The following SORL1 variants were observed in gnomAD, a reference collection of about 807,000 sequenced individuals.
SORL1 encodes sortilin related receptor 1, also known as sortilin-related receptor.
In SORL1, 127 loss-of-function variants were observed where a neutral mutation model predicts 273.7. The observed-to-expected ratio is 0.46, with a 90% CI of 0.40 to 0.54. The LOEUF (loss-of-function observed/expected upper bound fraction) is 0.54. Among genes scored for constraint, SORL1 ranks in the 20% least tolerant of loss-of-function variants. SORL1 has a pLI of 0.00. For missense variants in SORL1, 2,494 were observed against 2,846.1 expected (o/e 0.88, Z 2.81); for synonymous variants, 1,031 against 1,067.4 (o/e 0.97, Z 0.66).
chr11:121,537,711 GT>G (rs1033528456), intron 12 of SORL1, among the ~76,000 whole-genome samples: 8 of 152,122 alleles, frequency 5.3e-5, no homozygotes, highest in African/African-American at 1.9e-4. Flanking sequence ...ATATCAAAAG[GT>G]GCTTCCATTT....
At chr11:121,454,640 C>G (rs1341007113) in intron 1 of SORL1, among the ~76,000 whole-genome samples, 1 of 152,158 alleles carries the variant, frequency 6.6e-6, no homozygotes, top group Non-Finnish European at 1.5e-5. Flanking sequence ...ATTGTTGCCT[C>G]TTGCTCTGAG....
At chr11:121,461,122 C>CCT (rs1284704373) in intron 1 of SORL1, among the ~76,000 whole-genome samples, 1 of 151,846 alleles carries the variant, frequency 6.6e-6, no homozygotes, top group African/African-American at 2.4e-5. Context: ...AGACTCTGTA[C>CCT]CTATGACTTA....
At chr11:121,604,388 C>T (rs1863437496) in intron 33 of SORL1, 64 bp downstream of exon 33, 3 of 1,585,494 alleles carry the variant, frequency 1.9e-6, no homozygotes, top group Admixed American at 3.4e-5. Flanking sequence ...TACCCCAGGG[C>T]CCCTCCTGTG....
intron 24 of SORL1, among the ~76,000 whole-genome samples, chr11:121,576,440 A>T (rs1355557889): frequency 1.3e-5 from 2 of 152,228 alleles, no homozygotes; most frequent in Non-Finnish European, 2.9e-5. Context: ...CTCTGCCCCC[A>T]TGACTTAATT....
At chr11:121,472,068 C>T (rs1713741883) in intron 2 of SORL1, among the ~76,000 whole-genome samples, 1 of 152,182 alleles carries the variant, frequency 6.6e-6, no homozygotes, top group Non-Finnish European at 1.5e-5. Flanking sequence ...TCCCTTGAGC[C>T]AAGGAGTTCA....
At chr11:121,571,153 G>A (rs980102298) in intron 23 of SORL1, among the ~76,000 whole-genome samples, 2 of 152,248 alleles carry the variant, frequency 1.3e-5, no homozygotes, top group Admixed American at 1.3e-4. Flanking sequence ...CTGCGATGCG[G>A]AAGTGTCATA....
chr11:121,462,734 G>A (rs1401156974), intron 1 of SORL1, among the ~76,000 whole-genome samples: 3 of 152,038 alleles, frequency 2.0e-5, no homozygotes, highest in African/African-American at 4.8e-5. Context: ...ACAGGCATGC[G>A]CCACCAGGCC....
At position 121,499,169 on chromosome 11, in the gene SORL1, G is replaced by A. The variant is rs190102830; in HGVS notation, c.939+2120G>A. Among the ~76,000 whole-genome samples, 199 of 152,294 alleles carry A rather than the reference G, an allele frequency of 1.3e-3. 3 individuals carry two copies. The highest frequency in any genetic ancestry group is 2.5e-4 in the Non-Finnish European group (17 of 68,012). On this transcript the variant is annotated intron_variant, in intron 6 of 47. Transcript: ENST00000260197. ...AATTTTTAGAAATTTGGTGGGAGAC[G>A]TATTAAATTTTTGGTACTTTTATAG...
chr11:121,548,207 G>C (rs1019529039), intron 14 of SORL1, among the ~76,000 whole-genome samples: 59 of 152,304 alleles, frequency 3.9e-4, no homozygotes, highest in African/African-American at 1.4e-3. Flanking sequence ...GCAATCTTTT[G>C]CACTTTTTTG....
At chr11:121,455,808 C>T (rs907698736) in intron 1 of SORL1, among the ~76,000 whole-genome samples, 1 of 152,182 alleles carries the variant, frequency 6.6e-6, no homozygotes, top group African/African-American at 2.4e-5. Flanking sequence ...GCCTGGTCCA[C>T]ATGGGGAAAC....
At chr11:121,460,337 A>T (rs1450629972) in intron 1 of SORL1, among the ~76,000 whole-genome samples, 1 of 150,576 alleles carries the variant, frequency 6.6e-6, no homozygotes, top group African/African-American at 2.4e-5. Context: ...AGGGATACTG[A>T]GATGATTTCC....
intron 1 of SORL1, among the ~76,000 whole-genome samples, chr11:121,463,701 G>A (rs186044129): frequency 5.3e-5 from 8 of 152,328 alleles, no homozygotes; most frequent in African/African-American, 1.9e-4. Context: ...TGTAGGTGAA[G>A]CATCTTGAGC....
At position 121,566,972 on chromosome 11, in the gene SORL1, C is replaced by T. The variant is rs763212285; in HGVS notation, c.3082C>T (p.Leu1028=). The T allele has an allele frequency of 9.3e-6, 15 of 1,613,902 alleles. No homozygotes were observed. The highest frequency in any genetic ancestry group is 2.7e-5 in the African/African-American group (2 of 74,944). ...TGCCTGTGTGCCCAGGCCATGCAGC[C>T]TGCTGTGCCTGCCCAAGGCCAACAA... is the stretch of plus-strand genomic sequence containing the variant. ...SNACVPRPCS[L]LCLPKANNSR... is the part of the protein sequence containing the mutation. Residue 1028 remains leucine (L), a synonymous_variant, in exon 22 of 48, where the codon CTG becomes TTG. Transcript: ENST00000260197.
intron 26 of SORL1, among the ~76,000 whole-genome samples, chr11:121,584,191 T>A (rs1245451930): frequency 1.3e-5 from 2 of 152,202 alleles, no homozygotes; most frequent in African/African-American, 4.8e-5. Context: ...AGGTGAAAGG[T>A]TCTGACCAGT....
chr11:121,515,581 G>C (rs1861938017), intron 8 of SORL1, among the ~76,000 whole-genome samples: 1 of 152,206 alleles, frequency 6.6e-6, no homozygotes, highest in African/African-American at 2.4e-5. Context: ...ACCTAAGAGA[G>C]CAGGGCTCAG....
At chr11:121,604,014 T>C (rs1388189657) in intron 32 of SORL1, among the ~76,000 whole-genome samples, 179 bp from the exon 33 acceptor site, 1 of 152,208 alleles carries the variant, frequency 6.6e-6, no homozygotes, top group African/African-American at 2.4e-5. Context: ...ATTCCAGTTG[T>C]TAATGTTAGA....
At chr11:121,510,009 C>T (rs1861852189) in intron 6 of SORL1, among the ~76,000 whole-genome samples, 1 of 152,124 alleles carries the variant, frequency 6.6e-6, no homozygotes, top group African/African-American at 2.4e-5. Flanking sequence ...CTGCATCCTA[C>T]CAATGGTATT....
intron 31 of SORL1, among the ~76,000 whole-genome samples, chr11:121,594,371 A>G (rs529987696): frequency 6.6e-6 from 1 of 152,018 alleles, no homozygotes; most frequent in African/African-American, 2.4e-5. Context: ...TCATTCATAT[A>G]TTGTCTCCTG....
At position 121,514,114 on chromosome 11, in the gene SORL1, G is replaced by A. The variant is rs755268945; in HGVS notation, c.1042-38G>A. On this transcript the variant is annotated intron_variant, in intron 7 of 47. Transcript: ENST00000260197. ...TAGTAAAAGCCCACAGGGCACATTT[G>A]TTTTTTGACGTATCTTTTTTGACTT... 3.7e-6 allele frequency: 6 copies of A among 1,600,678 alleles called. No homozygotes were observed. The East Asian group carries it at 1.3e-4, about 36-fold the overall frequency.
Sources: gnomAD v4.1 joint callset for allele counts (sites outside exome capture counted in the v4.1 genomes callset) on GRCh38, gnomAD v4.1.1 for gene constraint, MANE v1.5 for transcripts, NCBI Gene and HGNC (gene_info 2026-07-23, HGNC 2026-07-21) for gene names.